The following FAM120B variants were observed in gnomAD, a reference collection of about 807,000 sequenced individuals.
FAM120B encodes constitutive coactivator of peroxisome proliferator-activated receptor gamma.
FAM120B carries 83 observed loss-of-function variants against 96.3 expected under a neutral mutation model. That is an observed-to-expected ratio of 0.86 (90% CI 0.72 to 1.03). FAM120B has a LOEUF of 1.03. Among genes scored for constraint, FAM120B ranks in the 50% least tolerant of loss-of-function variants. The probability of loss-of-function intolerance (pLI) is 0.00; values close to 1 mark genes in which losing one functional copy is unlikely to be tolerated. For missense variants in FAM120B, 1,027 were observed against 1,121.2 expected, an observed-to-expected ratio of 0.92 and a Z score of 1.20; for synonymous variants, 407 against 402.7, an observed-to-expected ratio of 1.01 and a Z score of -0.13.
chr6:170,292,100 C>T (rs542702294), upstream of FAM120B, among the ~76,000 whole-genome samples: 7 of 152,314 alleles, frequency 4.6e-5, no homozygotes, highest in South Asian at 1.4e-3. This position sits in a 1 kb window ranked among gnomAD's most constrained non-coding sequence, Gnocchi z 6.6. Flanking sequence ...AGCTCCCCTC[C>T]GCGCGCGCCG....
At chr6:170,366,512 C>T (rs1466702852) in intron 6 of FAM120B, among the ~76,000 whole-genome samples, 1 of 152,156 alleles carries the variant, frequency 6.6e-6, no homozygotes, top group Non-Finnish European at 1.5e-5. Context: ...CGTGTGAGCG[C>T]ACCTGAGTGG....
intron 4 of FAM120B, among the ~76,000 whole-genome samples, chr6:170,343,383 C>T (rs1786966845): frequency 6.6e-6 from 1 of 151,998 alleles, no homozygotes; most frequent in South Asian, 2.1e-4. Flanking sequence ...CCATTAAATA[C>T]CTGCAAGTTC....
At chr6:170,332,268 C>G (rs948114556) in intron 4 of FAM120B, among the ~76,000 whole-genome samples, 5 of 152,184 alleles carry the variant, frequency 3.3e-5, no homozygotes, top group African/African-American at 1.2e-4. Flanking sequence ...GATGATAATT[C>G]AAAAGACAAG....
At chr6:170,303,304 A>T (rs189133650), upstream of FAM120B, among the ~76,000 whole-genome samples, 6 of 152,246 alleles carry the variant, frequency 3.9e-5, no homozygotes, top group Admixed American at 3.3e-4. Context: ...TGGTGGCACA[A>T]TCCCAGCTCA....
chr6:170,375,383 G>T (rs765450409), intron 6 of FAM120B, among the ~76,000 whole-genome samples: 1 of 152,176 alleles, frequency 6.6e-6, no homozygotes, highest in Non-Finnish European at 1.5e-5. Context: ...AACAACAAGC[G>T]TCTCAGGTCA....
At chr6:170,324,590 A>G (rs901852493) in intron 3 of FAM120B, among the ~76,000 whole-genome samples, 3 of 152,214 alleles carry the variant, frequency 2.0e-5, no homozygotes, top group Non-Finnish European at 4.4e-5. Context: ...TTTTCAGACT[A>G]TTTCATTAAA....
chr6:170,320,328 C>T (rs1302270098), intron 2 of FAM120B, among the ~76,000 whole-genome samples: 1 of 152,052 alleles, frequency 6.6e-6, no homozygotes, highest in Non-Finnish European at 1.5e-5. Flanking sequence ...AACCAGCATT[C>T]GATTTTTTTT....
intron 3 of FAM120B, among the ~76,000 whole-genome samples, chr6:170,325,436 T>TC (rs1334995575): frequency 1.3e-5 from 2 of 152,100 alleles, no homozygotes; most frequent in African/African-American, 4.8e-5. Context: ...TGTTCTTTTT[T>TC]CCCCACCTTA....
chr6:170,360,759 G>T (rs138837703), intron 6 of FAM120B, among the ~76,000 whole-genome samples: 2 of 152,088 alleles, frequency 1.3e-5, no homozygotes, highest in Non-Finnish European at 2.9e-5. Flanking sequence ...CAAGGAGGGC[G>T]TTTTTTCTAA....
chr6:170,290,923 G>A, upstream of FAM120B: 1 of 697,318 alleles, frequency 1.4e-6, no homozygotes, highest in Non-Finnish European at 2.6e-6. The surrounding 1 kb of genome is among the most constrained non-coding windows in gnomAD (Gnocchi z 4.7). Flanking sequence ...TGCGCGCAGA[G>A]GATCTGGCTC....
chr6:170,327,893 A>AG (rs1367360248), intron 3 of FAM120B, among the ~76,000 whole-genome samples: 1 of 151,074 alleles, frequency 6.6e-6, no homozygotes, highest in African/African-American at 2.4e-5. Context: ...GTGTTGCTGT[A>AG]GGCTTTACAC....
intron 3 of FAM120B, among the ~76,000 whole-genome samples, chr6:170,324,548 C>T (rs989006766): frequency 2.6e-5 from 4 of 152,164 alleles, no homozygotes; most frequent in African/African-American, 4.8e-5. Context: ...CTCATGAAAA[C>T]ATTTTTACAT....
intron 3 of FAM120B, among the ~76,000 whole-genome samples, chr6:170,328,759 C>G (rs754563360): frequency 3.9e-5 from 6 of 152,164 alleles, no homozygotes; most frequent in Non-Finnish European, 7.3e-5. Flanking sequence ...TTGACTTCCT[C>G]CTACAGGGTC....
At chr6:170,384,885 A>G (rs1790105414) in intron 6 of FAM120B, among the ~76,000 whole-genome samples, 1 of 152,234 alleles carries the variant, frequency 6.6e-6, no homozygotes, top group Non-Finnish European at 1.5e-5. Flanking sequence ...CTGCAGAGGA[A>G]GTCTATGGAG....
rs182711746 is a variant in FAM120B at position 170,310,144 on chromosome 6, A to G, written c.-22+3302A>G. On this transcript the variant is annotated intron_variant, in intron 1 of 10. Coordinates refer to ENST00000476287, the MANE Select transcript of FAM120B (RefSeq NM_032448.3). ...GAGCTAATTGTTAGAACTGATTAGA[A>G]AGGTAGTCCGTAGATGATAATAAAA... Among the ~76,000 whole-genome samples the G allele has an allele frequency of 4.6e-5, 7 of 152,324 alleles. No homozygotes were observed. In the East Asian group the frequency reaches 1.4e-3, roughly 29 times the overall value.
chr6:170,318,136 C>T lies in FAM120B; in HGVS notation c.746C>T (p.Ser249Phe), dbSNP rs775788104. ...AGCTTTAGGTACAAATGCTTATCGT[C>T]CTACACCTCTGTAAAAGAGAACTTT... ...FESFRYKCLS[S>F]YTSVKENFDK... The change falls in exon 2 of 11, where the codon TCC becomes TTC. Residue 249 changes from serine to phenylalanine, a missense_variant. Physicochemically the swap from Ser to Phe is radical, Grantham distance 155 (BLOSUM62 -2). Around this residue, in one of 3 missense-constraint regions of FAM120B, gnomAD observed 880 missense variants for 980.9 expected, o/e 0.90. Transcript: ENST00000476287. 6.7e-5 allele frequency: 108 copies of T among 1,614,048 alleles called. No homozygotes were observed. The highest frequency in any genetic ancestry group is 8.9e-5 in the Non-Finnish European group (105 of 1,180,040).
At chr6:170,298,536 T>C (rs1784073579) in intron 1 of FAM120B, among the ~76,000 whole-genome samples, 1 of 149,686 alleles carries the variant, frequency 6.7e-6, no homozygotes, top group Non-Finnish European at 1.5e-5. Context: ...TTTTTTTTTG[T>C]TCCTTTTAGT....
intron 1 of FAM120B, among the ~76,000 whole-genome samples, chr6:170,296,473 G>C (rs1055474034): frequency 1.3e-5 from 2 of 151,820 alleles, no homozygotes; most frequent in Non-Finnish European, 2.9e-5. Context: ...GGGCCCTCCC[G>C]GTGGACCCCA....
chr6:170,340,243 C>G lies in FAM120B; in HGVS notation c.2018-7908C>G, dbSNP rs1786729555. Among the ~76,000 whole-genome samples, 10 of 152,162 alleles carry G rather than the reference C, an allele frequency of 6.6e-5. No individual in the cohort carries two copies. In the South Asian group the frequency reaches 2.1e-3, roughly 31 times the overall value. On this transcript the variant is annotated intron_variant, in intron 4 of 10. Transcript: ENST00000476287. ...TCATGCCTTATTTCAATATGTTGATCTTCAATCTGTGATATCCTTTCTAAC... is the reference window on the plus strand; with the variant it reads ...TCATGCCTTATTTCAATATGTTGATGTTCAATCTGTGATATCCTTTCTAAC...
Sources: allele counts gnomAD v4.1 joint callset (sites outside exome capture counted in the v4.1 genomes callset), GRCh38; gene constraint gnomAD v4.1.1; regional missense constraint gnomAD v4.1.1; non-coding constraint Gnocchi (gnomAD v3.1); transcripts MANE v1.5; gene names NCBI Gene and HGNC (gene_info 2026-07-23, HGNC 2026-07-21).